VDAC1: variants seen among roughly 807,000 people sequenced by gnomAD.
The protein encoded by VDAC1 is voltage dependent anion channel 1, also known as non-selective voltage-gated ion channel VDAC1.
Under a neutral mutation model 34.7 loss-of-function variants are expected in VDAC1, and 10 were observed. The observed-to-expected ratio is 0.29, with a 90% CI of 0.18 to 0.49. The LOEUF (loss-of-function observed/expected upper bound fraction) is 0.49. VDAC1 is among the 20% of genes least tolerant of loss of function. The pLI, the probability that VDAC1 is intolerant of heterozygous loss-of-function variation, is 0.99. For missense variants in VDAC1, 230 were observed against 347.9 expected (o/e 0.66, Z 2.69); for synonymous variants, 130 against 136.0 (o/e 0.96, Z 0.30).
the VDAC1 span, among the ~76,000 whole-genome samples, chr5:134,016,588 G>A: frequency 6.6e-6 from 1 of 152,190 alleles, no homozygotes; most frequent in Non-Finnish European, 1.5e-5. Context: ...AAGTGGCTGG[G>A]ACTTGAAGAA....
the VDAC1 span, among the ~76,000 whole-genome samples, chr5:134,090,732 G>A: frequency 6.6e-6 from 1 of 152,210 alleles, no homozygotes; most frequent in East Asian, 1.9e-4. Flanking sequence ...ACCACCGAAT[G>A]CTTCTAAAAA....
chr5:134,107,349 C>T, the VDAC1 span, among the ~76,000 whole-genome samples: 9 of 152,368 alleles, frequency 5.9e-5, no homozygotes, highest in East Asian at 1.9e-4. Flanking sequence ...GCAGCCCGGC[C>T]GGGCCATGGC....
chr5:134,088,157 A>AAAAACAAAAC, the VDAC1 span, among the ~76,000 whole-genome samples: 6 of 152,100 alleles, frequency 3.9e-5, no homozygotes, highest in Middle Eastern at 3.2e-3. Context: ...CCCTGTCTCA[A>AAAAACAAAAC]AAAACAAAAC....
chr5:133,975,137 G>A (rs566357679), intron 7 of VDAC1, among the ~76,000 whole-genome samples: 4 of 152,160 alleles, frequency 2.6e-5, no homozygotes, highest in Middle Eastern at 3.4e-3. Flanking sequence ...AGGCATGCTG[G>A]TGTGCCTATA....
At chr5:134,024,429 C>T in the VDAC1 span, among the ~76,000 whole-genome samples, 324 of 148,408 alleles carry the variant, frequency 2.2e-3, no homozygotes, top group Admixed American at 3.4e-3. Context: ...CTTGGGAGGC[C>T]GAAGCAGGAG....
At chr5:134,080,521 G>T in the VDAC1 span, among the ~76,000 whole-genome samples, 13 of 152,172 alleles carry the variant, frequency 8.5e-5, 1 homozygote, top group Admixed American at 5.2e-4. Flanking sequence ...GTTAAGTCAC[G>T]GAGGTACAGT....
the VDAC1 span, among the ~76,000 whole-genome samples, chr5:134,082,778 T>C: frequency 1.3e-5 from 2 of 152,252 alleles, no homozygotes; most frequent in Admixed American, 1.3e-4. Flanking sequence ...GATGCAGTAG[T>C]GGTACCTCAT....
At position 133,972,620 on chromosome 5, in the gene VDAC1, A is replaced by G; in HGVS notation, c.*151T>C. The stretch of plus-strand genomic sequence containing the variant: ...GTTTCTTCTGTACCTCTGGAAGGGT[A>G]ACATCTTAAAGCTGAATCAACTTTA... On this transcript the variant is annotated 3_prime_UTR_variant, in exon 9 of 9. Coordinates refer to ENST00000265333, the MANE Select transcript of VDAC1 (RefSeq NM_003374.3). 1.1e-5 allele frequency: 7 copies of G among 661,504 alleles called. No individual in the cohort carries two copies. Among genetic ancestry groups the G allele is most frequent in the Non-Finnish European group, 1.3e-5 (5 of 394,828 alleles). 41.0% of individuals were successfully genotyped at this position (661,504 alleles called of 1,614,324 possible). A position where few individuals can be genotyped will look rare whatever the true frequency, so the allele number is the denominator to read the frequency against.
At chr5:134,057,463 G>C in the VDAC1 span, among the ~76,000 whole-genome samples, 522 of 143,834 alleles carry the variant, frequency 3.6e-3, 4 homozygotes, top group African/African-American at 0.011. Flanking sequence ...CTGGGCGACA[G>C]AGTGAGGCTC....
chr5:134,019,020 T>C, the VDAC1 span, among the ~76,000 whole-genome samples: 13 of 152,274 alleles, frequency 8.5e-5, no homozygotes, highest in East Asian at 2.3e-3. Flanking sequence ...CTCTGCCCCA[T>C]GCATCTCGCA....
the VDAC1 span, among the ~76,000 whole-genome samples, chr5:134,043,445 A>T: frequency 6.6e-6 from 1 of 152,194 alleles, no homozygotes; most frequent in Non-Finnish European, 1.5e-5. Context: ...AGACTGCGGG[A>T]CTACCTAAGA....
the VDAC1 span, among the ~76,000 whole-genome samples, chr5:134,070,840 A>G: frequency 6.6e-6 from 1 of 152,148 alleles, no homozygotes; most frequent in Non-Finnish European, 1.5e-5. Flanking sequence ...CATAGCACAT[A>G]CCTTTTTGCA....
chr5:134,110,175 C>T, the VDAC1 span, among the ~76,000 whole-genome samples: 1 of 152,218 alleles, frequency 6.6e-6, no homozygotes, highest in Admixed American at 6.5e-5. Context: ...TCATAATTTG[C>T]CCATCACCTC....
At chr5:133,980,386 A>C (rs773325237) in intron 6 of VDAC1, among the ~76,000 whole-genome samples, 1 of 152,206 alleles carries the variant, frequency 6.6e-6, no homozygotes, top group African/African-American at 2.4e-5. Context: ...TTAGACAGAG[A>C]AAGAGAGCTG....
At chr5:134,015,898 C>T in the VDAC1 span, among the ~76,000 whole-genome samples, 1 of 152,174 alleles carries the variant, frequency 6.6e-6, no homozygotes, top group Non-Finnish European at 1.5e-5. Flanking sequence ...CTGCCTCGGC[C>T]TCCCAAAGTG....
At chr5:134,112,957 G>A in the VDAC1 span, among the ~76,000 whole-genome samples, 2 of 152,148 alleles carry the variant, frequency 1.3e-5, no homozygotes, top group Non-Finnish European at 2.9e-5. Flanking sequence ...ACAAACACAT[G>A]AGGACCCCTA....
chr5:134,071,561 A>T, the VDAC1 span, among the ~76,000 whole-genome samples: 1 of 152,206 alleles, frequency 6.6e-6, no homozygotes, highest in Non-Finnish European at 1.5e-5. The surrounding 1 kb of genome is among the most constrained non-coding windows in gnomAD (Gnocchi z 4.1). Flanking sequence ...GACCAGCTTC[A>T]CCCAGACCAA....
intron 1 of VDAC1, among the ~76,000 whole-genome samples, chr5:134,001,439 G>A (rs1479260611): frequency 6.6e-6 from 1 of 152,098 alleles, no homozygotes; most frequent in Non-Finnish European, 1.5e-5. Flanking sequence ...AAACTCGGCC[G>A]GGCTCAGTGG....
the VDAC1 span, among the ~76,000 whole-genome samples, chr5:134,026,408 G>A: frequency 1.3e-4 from 19 of 151,600 alleles, no homozygotes; most frequent in South Asian, 4.2e-4. Flanking sequence ...TCAGCTACTC[G>A]GGAGGCTGAG....
Sources: gnomAD v4.1 joint callset for allele counts (sites outside exome capture counted in the v4.1 genomes callset) on GRCh38, gnomAD v4.1.1 for gene constraint, Gnocchi (gnomAD v3.1) non-coding constraint, MANE v1.5 for transcripts, NCBI Gene and HGNC (gene_info 2026-07-23, HGNC 2026-07-21) for gene names.